CDH12: variants seen among roughly 807,000 people sequenced by gnomAD.
The protein encoded by CDH12 is cadherin 12, also known as cadherin-12.
A neutral mutation model predicts 74.1 loss-of-function variants in CDH12; 41 were observed. The observed-to-expected ratio is 0.55, with a 90% confidence interval of 0.43 to 0.72. The LOEUF (loss-of-function observed/expected upper bound fraction) is 0.72, where lower values mean the gene tolerates loss of function less well. Among genes scored for constraint, CDH12 ranks in the 30% least tolerant of loss-of-function variants. The probability of loss-of-function intolerance (pLI) is 0.00; values close to 1 mark genes in which losing one functional copy is unlikely to be tolerated. For synonymous variants in CDH12, 399 were observed against 355.0 expected (o/e 1.12, Z -1.39); for missense variants, 945 against 977.2 (o/e 0.97, Z 0.44).
At chr5:21,929,971 T>C (rs1754760609) in intron 6 of CDH12, among the ~76,000 whole-genome samples, 1 of 152,212 alleles carries the variant, frequency 6.6e-6, no homozygotes, top group African/African-American at 2.4e-5. Flanking sequence ...TCACTCATTT[T>C]GAGTATCAGA....
chr5:22,523,142 CTCTT>C (rs1273417386), intron 1 of CDH12, among the ~76,000 whole-genome samples: 1 of 152,110 alleles, frequency 6.6e-6, no homozygotes, highest in Non-Finnish European at 1.5e-5. Flanking sequence ...ACTTTGAAAA[CTCTT>C]TCTTAGCTTT....
chr5:22,388,404 T>G (rs1197277836), intron 3 of CDH12, among the ~76,000 whole-genome samples: 2 of 152,008 alleles, frequency 1.3e-5, no homozygotes, highest in Non-Finnish European at 2.9e-5. Context: ...ATATGAAAAT[T>G]TATTTGAGGA....
Position 22,082,177 on chromosome 5 carries a change from C to T in CDH12, c.-186-3315G>A, listed in dbSNP as rs115288474. 4.3e-3 allele frequency among the ~76,000 whole-genome samples: 655 copies of T among 152,142 alleles called. 4 individuals are homozygous for T. Among genetic ancestry groups the T allele is most frequent in the African/African-American group, 0.015 (623 of 41,532 alleles). ...GCAAAACTAGAAGGGGTTTCTTTTT[C>T]ATTCTTCACAATTTCATGGAGAGGT... On this transcript the variant is annotated intron_variant, in intron 4 of 14. Coordinates refer to ENST00000382254, the MANE Select transcript of CDH12 (RefSeq NM_004061.5).
chr5:21,879,793 C>T (rs16899338), intron 6 of CDH12, among the ~76,000 whole-genome samples: 110,383 of 152,090 alleles, frequency 0.73, 44,948 homozygotes, highest in Non-Finnish European at 0.9. Flanking sequence ...TTTTATGACC[C>T]AGCCAAAGAG....
intron 8 of CDH12, among the ~76,000 whole-genome samples, chr5:21,818,869 T>C (rs1364558032): frequency 6.6e-6 from 1 of 151,952 alleles, no homozygotes; most frequent in East Asian, 1.9e-4. Flanking sequence ...AATGCTAAAA[T>C]GTTACATAGA....
At chr5:22,587,167 G>A (rs1427285781) in intron 1 of CDH12, among the ~76,000 whole-genome samples, 3 of 151,932 alleles carry the variant, frequency 2.0e-5, no homozygotes, top group African/African-American at 4.8e-5. Flanking sequence ...TAATTAGATC[G>A]TGAGGGCTCT....
At chr5:22,253,030 C>T (rs1457340915) in intron 3 of CDH12, among the ~76,000 whole-genome samples, 1 of 151,916 alleles carries the variant, frequency 6.6e-6, no homozygotes. Flanking sequence ...TAGATATTGA[C>T]ATCAATATTT....
At chr5:21,983,936 G>A (rs1757413967) in intron 5 of CDH12, among the ~76,000 whole-genome samples, 1 of 151,894 alleles carries the variant, frequency 6.6e-6, no homozygotes, top group Non-Finnish European at 1.5e-5. Flanking sequence ...TTCTTATTTT[G>A]TGAACTGTGG....
intron 1 of CDH12, among the ~76,000 whole-genome samples, chr5:22,709,992 ATAGCCTAGCAAAGAAAATGCAACAAAAT>A (rs1369476093): frequency 3.3e-5 from 5 of 152,220 alleles, no homozygotes; most frequent in African/African-American, 1.2e-4. Context: ...GATATGAGTC[ATAGCCTAGCAAAGAAAATGCAACAAAAT>A]AAAGGTAGCT....
Position 22,408,615 on chromosome 5 carries a change from A to AC in CDH12, c.-427-3265_-427-3264insG, listed in dbSNP as rs1743041221. ...CTATATATACATTATATGTAATTGT[A>AC]AATTACATATATAGTACACATGCAT... On this transcript the variant is annotated intron_variant, in intron 2 of 14. Transcript: ENST00000382254. Among the ~76,000 whole-genome samples the AC allele has an allele frequency of 4.7e-5, 7 of 150,286 alleles. No individual in the cohort carries two copies. In the Admixed American group the frequency reaches 4.7e-4, roughly 10 times the overall value.
rs556202340 is a variant in CDH12 at position 22,450,722 on chromosome 5, A to G, written c.-427-45371T>C. The stretch of plus-strand genomic sequence containing the variant: ...GTCTTTCCTCTGCTTCAAATTATCT[A>G]ATGGTTTTTATCCTATTTCAAATAA... On this transcript the variant is annotated intron_variant, in intron 2 of 14. Coordinates refer to ENST00000382254, the MANE Select transcript of CDH12 (RefSeq NM_004061.5). Among the ~76,000 whole-genome samples the G allele has an allele frequency of 1.3e-3, 200 of 151,948 alleles. 1 individual carries two copies. The highest frequency in any genetic ancestry group is 4.4e-3 in the African/African-American group (184 of 41,518).
At chr5:22,367,291 T>C (rs537091542) in intron 3 of CDH12, among the ~76,000 whole-genome samples, 3 of 152,214 alleles carry the variant, frequency 2.0e-5, no homozygotes, top group South Asian at 2.1e-4. Context: ...CATGAGGAAA[T>C]TGGAGAGTTA....
intron 1 of CDH12, among the ~76,000 whole-genome samples, chr5:22,606,643 T>A (rs1281849124): frequency 6.6e-6 from 1 of 152,162 alleles, no homozygotes; most frequent in East Asian, 1.9e-4. Context: ...GATCTGTGAG[T>A]CAATTAAACC....
Position 21,783,376 on chromosome 5 carries a change from T to C in CDH12, c.1375A>G (p.Ile459Val). ...TACTTACTAACTTTACTCGCAATTATGGAGAAATTATACTGCGCAGTGCTT... is the reference window on the plus strand; with the variant it reads ...TACTTACTAACTTTACTCGCAATTACGGAGAAATTATACTGCGCAGTGCTT... ...RESTAQYNFS[I>V]IASKVSNPLL... Residue 459 changes from isoleucine to valine, a missense_variant, in exon 11 of 15, where the codon ATA becomes GTA. By Grantham distance (29) the Ile-to-Val change is conservative. This residue lies in a region of CDH12 where 791 missense variants were observed against 792.8 expected (regional missense o/e 1.00). Transcript: ENST00000382254. 6.2e-7 allele frequency: 1 copy of C among 1,613,142 alleles called. No individual in the cohort carries two copies. The highest frequency in any genetic ancestry group is 8.5e-7 in the Non-Finnish European group (1 of 1,179,292).
intron 5 of CDH12, 143 bp downstream of exon 5, chr5:22,078,303 G>A (rs1175428376): frequency 1.5e-6 from 1 of 669,662 alleles, no homozygotes; most frequent in Non-Finnish European, 2.6e-6. Flanking sequence ...ATTGAGTCAG[G>A]AAGATAAACC....
chr5:22,048,187 A>G (rs1740098339), intron 5 of CDH12, among the ~76,000 whole-genome samples: 1 of 152,160 alleles, frequency 6.6e-6, no homozygotes, highest in Non-Finnish European at 1.5e-5. Flanking sequence ...TAAGACTGTG[A>G]GGATGAAAAT....
At chr5:22,410,677 T>G (rs1309286580) in intron 2 of CDH12, among the ~76,000 whole-genome samples, 8 of 152,132 alleles carry the variant, frequency 5.3e-5, no homozygotes, top group Admixed American at 5.2e-4. Flanking sequence ...TGCAAGTTGA[T>G]TTTTCAGCAA....
intron 3 of CDH12, among the ~76,000 whole-genome samples, chr5:22,235,858 A>G (rs1056452017): frequency 6.6e-5 from 10 of 152,274 alleles, no homozygotes; most frequent in Non-Finnish European, 1.3e-4. Flanking sequence ...GGTGAACATC[A>G]CAGTGTGCAC....
intron 5 of CDH12, among the ~76,000 whole-genome samples, chr5:22,073,784 G>A (rs1035113333): frequency 2.0e-5 from 3 of 151,502 alleles, no homozygotes; most frequent in African/African-American, 7.2e-5. Flanking sequence ...AAGGGTTGTT[G>A]AAGCTAATGT....
Sources: gnomAD v4.1 joint callset for allele counts (sites outside exome capture counted in the v4.1 genomes callset) on GRCh38, gnomAD v4.1.1 for gene constraint, gnomAD v4.1.1 regional missense constraint, MANE v1.5 for transcripts, NCBI Gene and HGNC (gene_info 2026-07-23, HGNC 2026-07-21) for gene names.